YBX3: variants seen among roughly 807,000 people sequenced by gnomAD.
YBX3 encodes Y-box binding protein 3.
In YBX3, 29 loss-of-function variants were observed where a neutral mutation model predicts 42.4. The ratio of observed to expected loss-of-function variants is 0.68; its 90% confidence interval spans 0.51 to 0.93. YBX3 has a LOEUF of 0.93. Among genes scored for constraint, YBX3 ranks in the 40% least tolerant of loss-of-function variants. YBX3 has a pLI of 0.00. For missense variants in YBX3, 517 were observed against 527.5 expected (o/e 0.98, Z 0.19); for synonymous variants, 195 against 189.8 (o/e 1.03, Z -0.22).
chr12:10,709,784 T>C (rs1400036650), intron 6 of YBX3, 124 bp downstream of exon 6: 1 of 1,205,862 alleles, frequency 8.3e-7, no homozygotes, highest in Non-Finnish European at 1.2e-6. Flanking sequence ...CCTCAGCTTT[T>C]GTAGCATCAG....
chr12:10,718,096 C>T lies in YBX3; in HGVS notation c.352G>A (p.Val118Ile), dbSNP rs2120979526. ...TTTATAATCCCTCTTACCTGATGTA[C>T]AAATACATCTTCTTTGGTGTCATTT... ...NRNDTKEDVF[V>I]HQTAIKKNNP... is the part of the protein sequence containing the mutation. Residue 118 changes from valine to isoleucine, a missense_variant, in exon 3 of 10, where the codon GTA becomes ATA. By Grantham distance (29) the Val-to-Ile change is conservative. Coordinates refer to ENST00000228251, the MANE Select transcript of YBX3 (RefSeq NM_003651.5). 4 of 1,611,610 alleles carry T rather than the reference C, an allele frequency of 2.5e-6. No homozygotes were observed. The highest frequency in any genetic ancestry group is 2.5e-6 in the Non-Finnish European group (3 of 1,178,696).
At position 10,701,983 on chromosome 12, in the gene YBX3, C is replaced by G. The variant is rs780096936; in HGVS notation, c.1030G>C (p.Ala344Pro). 2 of 1,613,188 alleles carry G rather than the reference C, an allele frequency of 1.2e-6. No individual in the cohort carries two copies. Among genetic ancestry groups the G allele is most frequent in the Non-Finnish European group, 1.7e-6 (2 of 1,179,702 alleles). ...ACCTCTTTGCCATCTTGTGAAGGAGCGTTAGGAGGACGCGGGCGACGCCGG... is the reference window on the plus strand; with the variant it reads ...ACCTCTTTGCCATCTTGTGAAGGAGGGTTAGGAGGACGCGGGCGACGCCGG... Reference protein sequence around the residue: ...NYRRRPRPPNAPSQDGKEAKA... With the variant: ...NYRRRPRPPNPPSQDGKEAKA... Residue 344 changes from alanine (A) to proline (P), a missense_variant, in exon 8 of 10, where the codon GCT (alanine) becomes CCT (proline). By Grantham distance (27) the Ala-to-Pro change is conservative (BLOSUM62 -1). This residue lies in a region of YBX3 where 420 missense variants were observed against 408.5 expected (regional missense o/e 1.03). Transcript: ENST00000228251.
At chr12:10,711,821 C>T (rs1342565360) in intron 5 of YBX3, 5 of 152,156 alleles carry the variant, frequency 3.3e-5, no homozygotes, top group South Asian at 4.1e-4. Flanking sequence ...AGGTTTTGGA[C>T]AGGAAAAGTC....
chr12:10,710,201 T>A, intron 5 of YBX3, 87 bp from the exon 6 acceptor site: 1 of 1,541,698 alleles, frequency 6.5e-7, no homozygotes, highest in Non-Finnish European at 8.7e-7. Flanking sequence ...ATCACCAAAA[T>A]AAAATCTCCC....
intron 5 of YBX3, 148 bp downstream of exon 5, chr12:10,713,063 T>G: frequency 2.7e-6 from 3 of 1,130,382 alleles, no homozygotes; most frequent in Non-Finnish European, 3.6e-6. Flanking sequence ...AAAAATAAGA[T>G]AAAAATTTCC....
chr12:10,719,239 A>G, intron 1 of YBX3, 96 bp from the exon 2 acceptor site: 1 of 1,005,708 alleles, frequency 9.9e-7, no homozygotes, highest in Admixed American at 2.6e-5. Context: ...AAGCCTAAAC[A>G]TACCTAAAGA....
chr12:10,717,863 A>G (rs1239609516), intron 3 of YBX3: 1 of 389,776 alleles, frequency 2.6e-6, no homozygotes, highest in Non-Finnish European at 4.5e-6. Context: ...ATATCACTTT[A>G]TACAACTGCA....
chr12:10,702,037 G>T lies in YBX3; in HGVS notation c.976C>A (p.Arg326Ser). The T allele has an allele frequency of 6.2e-7, 1 of 1,614,150 alleles. No homozygotes were observed. The highest frequency in any genetic ancestry group is 1.3e-5 in the African/African-American group (1 of 75,048). ...TTGTAGGGACGCCGGTATCCACGGC[G>T]AACAGACGGCTGGTTTGGACCACTG... ...ATSGPNQPSV[R>S]RGYRRPYNYR... Residue 326 changes from arginine (R) to serine (S), a missense_variant, in exon 8 of 10, where the codon CGC (arginine) becomes AGC (serine). Arg to Ser is a moderately radical substitution (Grantham distance 110). This residue lies in a region of YBX3 where 420 missense variants were observed against 408.5 expected (regional missense o/e 1.03). Coordinates refer to ENST00000228251, the MANE Select transcript of YBX3 (RefSeq NM_003651.5).
At chr12:10,714,029 T>C (rs1353724999) in intron 4 of YBX3, among the ~76,000 whole-genome samples, 2 of 152,182 alleles carry the variant, frequency 1.3e-5, no homozygotes, top group Admixed American at 1.3e-4. Context: ...CCCTGAGTTC[T>C]GAAAACATAC....
In YBX3 at chr12:10,701,970, T is replaced by C. The variant is rs980010460; in HGVS notation, c.1043A>G (p.Asp348Gly). 1 of 1,612,422 alleles carries C rather than the reference T, an allele frequency of 6.2e-7. No homozygotes were observed. Among genetic ancestry groups the C allele is most frequent in the Non-Finnish European group, 8.5e-7 (1 of 1,179,390 alleles). Residue 348 changes from aspartate (D) to glycine (G), a missense_variant, in exon 8 of 10, where the codon GAT becomes GGT. Physicochemically the swap from Asp to Gly is moderately conservative, Grantham distance 94. Coordinates refer to ENST00000228251, the MANE Select transcript of YBX3 (RefSeq NM_003651.5). ...RPRPPNAPSQ[D>G]GKEAKAGEAP... ...ACTGGTTGGATTTACCTCTTTGCCA[T>C]CTTGTGAAGGAGCGTTAGGAGGACG...
Position 10,701,980 on chromosome 12 carries a change from G to T in YBX3, c.1033C>A (p.Pro345Thr). Reference protein sequence around the residue: ...YRRRPRPPNAPSQDGKEAKAG... With the variant: ...YRRRPRPPNATSQDGKEAKAG... ...TTTACCTCTTTGCCATCTTGTGAAGGAGCGTTAGGAGGACGCGGGCGACGC... is the reference window on the plus strand; with the variant it reads ...TTTACCTCTTTGCCATCTTGTGAAGTAGCGTTAGGAGGACGCGGGCGACGC... The change falls in exon 8 of 10, where the codon CCT becomes ACT. Residue 345 changes from proline (P) to threonine (T), a missense_variant. Transcript: ENST00000228251. 1 of 1,612,332 alleles carries T rather than the reference G, an allele frequency of 6.2e-7. No individual in the cohort carries two copies. The highest frequency in any genetic ancestry group is 2.2e-5 in the East Asian group (1 of 44,798).
At chr12:10,700,618 C>T (rs1948067882) in intron 9 of YBX3, among the ~76,000 whole-genome samples, 1 of 152,086 alleles carries the variant, frequency 6.6e-6, no homozygotes, top group South Asian at 2.1e-4. Flanking sequence ...CTTTACCATA[C>T]CCTATTGTAA....
At chr12:10,709,863 G>C (rs760023584) in intron 6 of YBX3, 45 bp downstream of exon 6, 2 of 1,606,092 alleles carry the variant, frequency 1.2e-6, no homozygotes, top group Non-Finnish European at 8.5e-7. Context: ...AGAGAAGGAC[G>C]GAAGGGTGAG....
chr12:10,719,698 T>C (rs1438658635), intron 1 of YBX3, among the ~76,000 whole-genome samples: 1 of 152,234 alleles, frequency 6.6e-6, no homozygotes, highest in African/African-American at 2.4e-5. Flanking sequence ...GCTGTCTCAA[T>C]CCAGTTCTGT....
chr12:10,714,782 C>T (rs1206297020), intron 4 of YBX3, among the ~76,000 whole-genome samples: 15 of 150,008 alleles, frequency 1.0e-4, no homozygotes, highest in African/African-American at 1.5e-4. Context: ...TTTTAAAAAA[C>T]GGAATCTTGC....
chr12:10,709,815 T>C, intron 6 of YBX3, 93 bp downstream of exon 6: 2 of 1,473,502 alleles, frequency 1.4e-6, no homozygotes, highest in Non-Finnish European at 1.9e-6. Context: ...GCAAGGTTTC[T>C]GGCAGCTGAT....
At chr12:10,714,523 A>T (rs1948237406) in intron 4 of YBX3, among the ~76,000 whole-genome samples, 1 of 152,190 alleles carries the variant, frequency 6.6e-6, no homozygotes, top group African/African-American at 2.4e-5. Context: ...AAAATCCCTT[A>T]ACTTCTTGGA....
chr12:10,714,591 A>G (rs1479866714), intron 4 of YBX3, among the ~76,000 whole-genome samples: 1 of 152,174 alleles, frequency 6.6e-6, no homozygotes, highest in Non-Finnish European at 1.5e-5. Context: ...CAGCTTCCCA[A>G]AATCCAAGCC....
Position 10,709,982 on chromosome 12 carries a change from G to T in YBX3, c.706C>A (p.Arg236=). ...PQYRPQYRQR[R]FPPYHVGQTF... ...TGTCCCACGTGGTAAGGCGGGAACC[G>T]CCGCTGCCGGTACTGAGGGCGATAC... The change falls in exon 6 of 10, where the codon CGG becomes AGG. Residue 236 remains arginine (R), a synonymous_variant. Transcript: ENST00000228251. 6.2e-7 allele frequency: 1 copy of T among 1,614,040 alleles called. No individual in the cohort carries two copies. Among genetic ancestry groups the T allele is most frequent in the South Asian group, 1.1e-5 (1 of 91,082 alleles).
Sources: allele counts gnomAD v4.1 joint callset (sites outside exome capture counted in the v4.1 genomes callset), GRCh38; gene constraint gnomAD v4.1.1; regional missense constraint gnomAD v4.1.1; transcripts MANE v1.5; gene names NCBI Gene and HGNC (gene_info 2026-07-23, HGNC 2026-07-21).